TUSC3: variants seen among roughly 807,000 people sequenced by gnomAD.
The protein encoded by TUSC3 is dolichyl-diphosphooligosaccharide--protein glycosyltransferase subunit TUSC3.
In TUSC3, 45 loss-of-function variants were observed where a neutral mutation model predicts 44.8. That is an observed-to-expected ratio of 1.00 (90% confidence interval 0.79 to 1.29). The LOEUF is 1.29. Ranked by LOEUF, TUSC3 falls within the 50% of genes most tolerant of loss-of-function variation. The pLI, the probability that TUSC3 is intolerant of heterozygous loss-of-function variation, is 0.00. For missense variants in TUSC3, 519 were observed against 437.9 expected (o/e 1.19, Z -1.65); for synonymous variants, 212 against 152.9 (o/e 1.39, Z -2.85).
chr8:15,502,631 C>T (rs1367820113), intron 2 of TUSC3, among the ~76,000 whole-genome samples: 1 of 152,208 alleles, frequency 6.6e-6, no homozygotes, highest in East Asian at 1.9e-4. Context: ...GCTGGGACTA[C>T]AGGAACCCAC....
At chr8:15,585,879 A>G (rs951195093) in intron 1 of TUSC3, among the ~76,000 whole-genome samples, 3 of 152,116 alleles carry the variant, frequency 2.0e-5, no homozygotes, top group Non-Finnish European at 2.9e-5. Flanking sequence ...TCCTCTCTCA[A>G]TAATAGCTGC....
chr8:15,434,650 TA>T (rs1466020232), intron 1 of TUSC3, among the ~76,000 whole-genome samples: 1 of 151,782 alleles, frequency 6.6e-6, no homozygotes, highest in Non-Finnish European at 1.5e-5. Context: ...CATTTAGCAT[TA>T]GGTATATCTC....
At chr8:15,432,881 T>TA (rs1201463840) in intron 1 of TUSC3, among the ~76,000 whole-genome samples, 1 of 152,172 alleles carries the variant, frequency 6.6e-6, no homozygotes, top group Non-Finnish European at 1.5e-5. Flanking sequence ...TAGGGGCTGA[T>TA]AAAACCCCGG....
chr8:15,500,416 A>T (rs1031736778), intron 2 of TUSC3, among the ~76,000 whole-genome samples: 1 of 152,196 alleles, frequency 6.6e-6, no homozygotes, highest in Non-Finnish European at 1.5e-5. Context: ...TCACATTTTT[A>T]AAAAATCACC....
At chr8:15,431,125 C>G (rs915649432) in intron 1 of TUSC3, among the ~76,000 whole-genome samples, 6 of 151,496 alleles carry the variant, frequency 4.0e-5, no homozygotes, top group African/African-American at 1.5e-4. Context: ...TGTGATGGCT[C>G]CAGATTTGTT....
intron 1 of TUSC3, among the ~76,000 whole-genome samples, chr8:15,465,490 A>G (rs1245263768): frequency 6.6e-6 from 1 of 152,200 alleles, no homozygotes; most frequent in Non-Finnish European, 1.5e-5. Context: ...TGATCAACAA[A>G]CATTATTGAT....
intron 5 of TUSC3, among the ~76,000 whole-genome samples, chr8:15,669,501 T>C (rs1807845556): frequency 6.6e-6 from 1 of 151,706 alleles, no homozygotes; most frequent in Non-Finnish European, 1.5e-5. Flanking sequence ...AACAAAAAAA[T>C]TACAGACAGT....
At chr8:15,626,776 T>C (rs1805528508) in intron 2 of TUSC3, among the ~76,000 whole-genome samples, 1 of 152,232 alleles carries the variant, frequency 6.6e-6, no homozygotes, top group Non-Finnish European at 1.5e-5. Context: ...AGCCCCCTGC[T>C]GCCTCAGTCC....
intron 1 of TUSC3, among the ~76,000 whole-genome samples, chr8:15,480,097 A>G (rs144464917): frequency 2.2e-4 from 34 of 152,306 alleles, no homozygotes; most frequent in African/African-American, 7.9e-4. Flanking sequence ...TAACAAGGAA[A>G]GTGAAGGACC....
chr8:15,598,206 C>G (rs935391766), intron 1 of TUSC3, among the ~76,000 whole-genome samples: 2 of 151,886 alleles, frequency 1.3e-5, no homozygotes, highest in South Asian at 4.1e-4. Flanking sequence ...GCACTCCATC[C>G]AAATGTTTAT....
chr8:15,771,761 A>AGG, the TUSC3 span, among the ~76,000 whole-genome samples: 1 of 152,108 alleles, frequency 6.6e-6, no homozygotes, highest in Non-Finnish European at 1.5e-5. Context: ...GAATGTTCAG[A>AGG]GGGGGATTTG....
intron 2 of TUSC3, among the ~76,000 whole-genome samples, chr8:15,489,658 C>G (rs367885980): frequency 6.6e-6 from 1 of 152,158 alleles, no homozygotes. Flanking sequence ...TTTGGTATCT[C>G]ACTGCCACAA....
downstream of TUSC3, among the ~76,000 whole-genome samples, chr8:15,770,555 T>G (rs905027529): frequency 6.6e-6 from 1 of 152,132 alleles, no homozygotes; most frequent in Non-Finnish European, 1.5e-5. Flanking sequence ...AGTATAATTT[T>G]TAAAAATTAT....
intron 2 of TUSC3, among the ~76,000 whole-genome samples, chr8:15,528,454 A>G (rs567090211): frequency 2.0e-5 from 3 of 152,350 alleles, no homozygotes; most frequent in Non-Finnish European, 4.4e-5. Context: ...GAATCGGTCA[A>G]TTGTACCCTA....
intron 2 of TUSC3, among the ~76,000 whole-genome samples, chr8:15,502,343 C>T (rs919158565): frequency 6.6e-6 from 1 of 152,020 alleles, no homozygotes; most frequent in Non-Finnish European, 1.5e-5. Flanking sequence ...TATCATAGTC[C>T]ATCTGTTCTA....
At chr8:15,434,438 A>G (rs1799918530) in intron 1 of TUSC3, among the ~76,000 whole-genome samples, 1 of 151,684 alleles carries the variant, frequency 6.6e-6, no homozygotes. Flanking sequence ...TTTTTTAGTA[A>G]TGTCTTTCAA....
At chr8:15,421,561 T>C (rs1393081333) in intron 1 of TUSC3, among the ~76,000 whole-genome samples, 1 of 152,196 alleles carries the variant, frequency 6.6e-6, no homozygotes. Flanking sequence ...TGAAACACTG[T>C]AAAATTTATT....
chr8:15,438,660 A>G (rs988841754), intron 1 of TUSC3, among the ~76,000 whole-genome samples: 3 of 152,200 alleles, frequency 2.0e-5, no homozygotes, highest in African/African-American at 7.2e-5. Flanking sequence ...TACATCAGCA[A>G]ACTGAATGCT....
intron 1 of TUSC3, among the ~76,000 whole-genome samples, chr8:15,546,149 C>G (rs1473627972): frequency 6.6e-6 from 1 of 151,778 alleles, no homozygotes; most frequent in Non-Finnish European, 1.5e-5. Flanking sequence ...GGATATTTCT[C>G]CTGGTCTCTA....
Sources: allele counts gnomAD v4.1 joint callset (sites outside exome capture counted in the v4.1 genomes callset), GRCh38; gene constraint gnomAD v4.1.1; transcripts MANE v1.5; gene names NCBI Gene and HGNC (gene_info 2026-07-23, HGNC 2026-07-21).